Variants in TMEM132D observed in about 807,000 individuals in gnomAD.
The protein encoded by TMEM132D is transmembrane protein 132D, also known as mature OL transmembrane protein.
Under a neutral mutation model 62.3 loss-of-function variants are expected in TMEM132D, and 21 were observed. The ratio of observed to expected loss-of-function variants is 0.34; its 90% CI spans 0.24 to 0.49. The LOEUF is 0.49. Among genes scored for constraint, TMEM132D ranks in the 20% least tolerant of loss-of-function variants. The pLI is 0.99. For synonymous variants in TMEM132D, 621 were observed against 575.6 expected (o/e 1.08, Z -1.13); for missense variants, 1,346 against 1,402.8 (o/e 0.96, Z 0.65).
At chr12:129,477,437 T>A (rs1161728639) in intron 3 of TMEM132D, among the ~76,000 whole-genome samples, 3 of 152,222 alleles carry the variant, frequency 2.0e-5, no homozygotes, top group African/African-American at 7.2e-5. Context: ...TCCCTTTTGC[T>A]TTACTTGGTC....
At chr12:129,684,599 A>C (rs1158148495) in intron 2 of TMEM132D, among the ~76,000 whole-genome samples, 1 of 152,146 alleles carries the variant, frequency 6.6e-6, no homozygotes, top group Non-Finnish European at 1.5e-5. Flanking sequence ...GCTACTTTGC[A>C]TCTGGGTAAC....
At chr12:129,366,052 TA>T (rs1474093226) in intron 3 of TMEM132D, among the ~76,000 whole-genome samples, 4 of 152,246 alleles carry the variant, frequency 2.6e-5, no homozygotes, top group Admixed American at 6.5e-5. Context: ...ATAATTCATA[TA>T]AAAATAATTC....
intron 5 of TMEM132D, among the ~76,000 whole-genome samples, chr12:129,154,537 C>A (rs749543481): frequency 2.0e-5 from 3 of 151,998 alleles, no homozygotes; most frequent in African/African-American, 7.2e-5. Context: ...GAGTGTTTGG[C>A]GATTGAGTAC....
At chr12:129,207,052 G>A (rs538219778) in intron 5 of TMEM132D, among the ~76,000 whole-genome samples, 12 of 152,160 alleles carry the variant, frequency 7.9e-5, no homozygotes, top group Admixed American at 3.3e-4. Flanking sequence ...CCTGTGACAC[G>A]CAGGTGACCT....
chr12:129,094,531 A>C (rs1875035411), intron 5 of TMEM132D, among the ~76,000 whole-genome samples: 1 of 152,214 alleles, frequency 6.6e-6, no homozygotes, highest in Non-Finnish European at 1.5e-5. Flanking sequence ...GTCAAGAAAC[A>C]ACAGGTGCTG....
At chr12:129,497,704 G>A in intron 3 of TMEM132D, among the ~76,000 whole-genome samples, 1 of 151,870 alleles carries the variant, frequency 6.6e-6, no homozygotes. Flanking sequence ...CTCTTGTCAA[G>A]GCTGGAATAC....
chr12:129,529,379 C>G (rs1256731275), intron 3 of TMEM132D, among the ~76,000 whole-genome samples: 1 of 152,242 alleles, frequency 6.6e-6, no homozygotes, highest in East Asian at 1.9e-4. Flanking sequence ...TGCTGAGATT[C>G]TGGAAGCCTC....
intron 1 of TMEM132D, among the ~76,000 whole-genome samples, chr12:129,804,402 A>G (rs1488744233): frequency 8.2e-6 from 1 of 121,272 alleles, no homozygotes; most frequent in Non-Finnish European, 1.7e-5. Flanking sequence ...AAATCAATAA[A>G]TGTAATCCAG....
At chr12:129,420,483 CT>C (rs1488551516) in intron 3 of TMEM132D, among the ~76,000 whole-genome samples, 3 of 152,010 alleles carry the variant, frequency 2.0e-5, no homozygotes, top group Non-Finnish European at 4.4e-5. Context: ...TCATCGAAGG[CT>C]GTCAAATAAA....
intron 2 of TMEM132D, among the ~76,000 whole-genome samples, chr12:129,616,729 C>A (rs1288067272): frequency 1.3e-5 from 2 of 152,204 alleles, no homozygotes; most frequent in Non-Finnish European, 2.9e-5. Flanking sequence ...TTTCCTGAGG[C>A]CTCCCCAGCC....
intron 3 of TMEM132D, among the ~76,000 whole-genome samples, chr12:129,506,472 T>G (rs1024664479): frequency 3.3e-5 from 5 of 152,142 alleles, no homozygotes; most frequent in Non-Finnish European, 1.5e-5. Context: ...TATAAGGCGA[T>G]AGTCACCAAA....
At chr12:129,350,097 C>T (rs1869817647) in intron 3 of TMEM132D, among the ~76,000 whole-genome samples, 1 of 152,198 alleles carries the variant, frequency 6.6e-6, no homozygotes, top group African/African-American at 2.4e-5. Flanking sequence ...CACCTCAGCC[C>T]TTTTGAAATA....
intron 3 of TMEM132D, among the ~76,000 whole-genome samples, chr12:129,396,155 T>C (rs1871422984): frequency 1.3e-5 from 2 of 151,854 alleles, no homozygotes; most frequent in South Asian, 4.1e-4. Flanking sequence ...AATAGTGGAA[T>C]ATGTTCACTA....
At chr12:129,193,328 A>T (rs1878460496) in intron 5 of TMEM132D, among the ~76,000 whole-genome samples, 1 of 149,400 alleles carries the variant, frequency 6.7e-6, no homozygotes, top group Non-Finnish European at 1.5e-5. Context: ...TTCTTCACAT[A>T]GCAATGTTTT....
intron 1 of TMEM132D, among the ~76,000 whole-genome samples, chr12:129,899,614 A>G (rs1337400912): frequency 6.6e-6 from 1 of 152,188 alleles, no homozygotes; most frequent in African/African-American, 2.4e-5. Flanking sequence ...AATTCTAAAT[A>G]TTGTGTAGCA....
rs767696727 is a variant in TMEM132D, at chr12:129,512,703, G to C, written c.1115+18356C>G. The stretch of plus-strand genomic sequence containing the variant: ...CGAGGCTCACTTATGTTTCTGGTCA[G>C]CTTGTGCTAACTATAGCAGGAGTCC... On this transcript the variant is annotated intron_variant, in intron 3 of 8. Transcript: ENST00000422113. 1.6e-4 allele frequency among the ~76,000 whole-genome samples: 25 copies of C among 152,334 alleles called. No individual in the cohort carries two copies. In the Middle Eastern group the frequency reaches 0.01, roughly 62 times the overall value.
intron 1 of TMEM132D, among the ~76,000 whole-genome samples, chr12:129,744,626 G>A (rs1441852102): frequency 1.3e-5 from 2 of 152,126 alleles, no homozygotes; most frequent in African/African-American, 4.8e-5. Context: ...AATTTAAGGA[G>A]CGCACTCTCA....
intron 3 of TMEM132D, among the ~76,000 whole-genome samples, chr12:129,484,645 T>C (rs554577185): frequency 1.1e-4 from 16 of 152,178 alleles, no homozygotes; most frequent in Non-Finnish European, 1.9e-4. Flanking sequence ...GGAGAAACAA[T>C]GGAATCTTCT....
chr12:129,830,920 A>T (rs576598361), intron 1 of TMEM132D, among the ~76,000 whole-genome samples: 2 of 152,216 alleles, frequency 1.3e-5, no homozygotes, highest in East Asian at 3.9e-4. Context: ...CAAATTTCTA[A>T]GTCACGAGAA....
Sources: gnomAD v4.1 joint callset for allele counts (sites outside exome capture counted in the v4.1 genomes callset) on GRCh38, gnomAD v4.1.1 for gene constraint, MANE v1.5 for transcripts, NCBI Gene and HGNC (gene_info 2026-07-23, HGNC 2026-07-21) for gene names.